The following NBPF8 variants were observed in gnomAD, a reference collection of about 807,000 sequenced individuals.
NBPF8 encodes NBPF family member NBPF8.
chr1:120,424,644 C>A (rs1336787113), intron 1 of NBPF8, among the ~76,000 whole-genome samples: 1 of 150,874 alleles, frequency 6.6e-6, no homozygotes, highest in African/African-American at 2.4e-5. Flanking sequence ...GACAGGGTTT[C>A]TTCATGTTGG....
chr1:120,428,073 A>C (rs1199256061), intron 3 of NBPF8, among the ~76,000 whole-genome samples: 6 of 152,194 alleles, frequency 3.9e-5, no homozygotes, highest in Non-Finnish European at 8.8e-5. Context: ...TTTTTAATGC[A>C]TCTTAAGGTT....
At chr1:120,467,473 G>T (rs1414812687) in exon 25 of NBPF8, 2 of 46,142 alleles carry the variant, frequency 4.3e-5, no homozygotes, top group African/African-American at 1.5e-4. Context: ...TTATAATGAA[G>T]TACTTGGGAA....
intron 1 of NBPF8, among the ~76,000 whole-genome samples, chr1:120,425,293 G>A (rs138380344): frequency 0.025 from 3,732 of 152,016 alleles, 35 homozygotes; most frequent in African/African-American, 0.036. Flanking sequence ...TGTAAAGCCC[G>A]ATTGTATATT....
chr1:120,452,250 A>G, exon 13 of NBPF8: 1 of 1,286,244 alleles, frequency 7.8e-7, no homozygotes, highest in Non-Finnish European at 1.1e-6. Context: ...TGAGCCGGAC[A>G]AGTCCCAGGG....
chr1:120,419,046 G>C (rs1390860799), upstream of NBPF8, among the ~76,000 whole-genome samples: 1 of 151,426 alleles, frequency 6.6e-6, no homozygotes, highest in African/African-American at 2.4e-5. Context: ...ACTTGACCTT[G>C]CCTGGCATGA....
intron 15 of NBPF8, among the ~76,000 whole-genome samples, chr1:120,454,620 T>C (rs1165806137): frequency 6.0e-5 from 9 of 150,676 alleles, no homozygotes; most frequent in Admixed American, 6.0e-4. Context: ...TTTGCTGATA[T>C]ATTTCCATAA....
exon 25 of NBPF8, chr1:120,466,216 C>A: frequency 6.2e-7 from 1 of 1,608,502 alleles, no homozygotes; most frequent in East Asian, 2.2e-5. Context: ...CATATTCCCA[C>A]AATAAGCAGC....
upstream of NBPF8, among the ~76,000 whole-genome samples, chr1:120,434,405 T>C (rs1661012063): frequency 6.8e-6 from 1 of 146,534 alleles, no homozygotes; most frequent in Admixed American, 6.9e-5. Flanking sequence ...TATATACACG[T>C]GTATATATAT....
At position 120,436,417 on chromosome 1, in the gene NBPF8, T is replaced by A. The variant is rs1661079455; in HGVS notation, n.65T>A. The A allele has an allele frequency of 6.7e-5, 81 of 1,214,012 alleles. 1 individual carries two copies. In the South Asian group the frequency reaches 9.9e-4, roughly 15 times the overall value. The allele number at this position is 1,214,012 out of a possible 1,614,324, so 75.2% of individuals were successfully genotyped here. A position where few individuals can be genotyped will look rare whatever the true frequency, so the allele number is the denominator to read the frequency against. ...TAAGAATTTCAGTTACTGACATCCC[T>A]CAGTCCTGATTAAACCTATTTGATT... is the stretch of plus-strand genomic sequence containing the variant. On this transcript the variant is annotated non_coding_transcript_exon_variant, in exon 1 of 25. Transcript: ENST00000583271.
chr1:120,433,094 C>T (rs1553247248), upstream of NBPF8: 9 of 152,174 alleles, frequency 5.9e-5, no homozygotes, highest in African/African-American at 9.7e-5. Flanking sequence ...AAATATATAT[C>T]ATGTTCATTG....
chr1:120,463,060 A>T (rs1240377536), intron 21 of NBPF8, 94 bp downstream of exon 19: 2 of 640,636 alleles, frequency 3.1e-6, no homozygotes, highest in Non-Finnish European at 5.5e-6. Context: ...GACCCGAGAG[A>T]TGTCATTGCC....
chr1:120,431,366 AT>A (rs1660872233), upstream of NBPF8, among the ~76,000 whole-genome samples: 1 of 12,504 alleles, frequency 8.0e-5, no homozygotes, highest in Non-Finnish European at 1.7e-4. Flanking sequence ...GGGAATATAT[AT>A]ATATATATAT....
At chr1:120,431,311 C>A (rs1660867484) in intron 3 of NBPF8, among the ~76,000 whole-genome samples, 4 of 94,596 alleles carry the variant, frequency 4.2e-5, no homozygotes, top group South Asian at 3.0e-4. Flanking sequence ...ATTATCATCT[C>A]CAAATAGGGA....
intron 13 of NBPF8, among the ~76,000 whole-genome samples, chr1:120,452,872 G>T (rs1173175319): frequency 6.6e-6 from 1 of 152,128 alleles, no homozygotes; most frequent in Non-Finnish European, 1.5e-5. Flanking sequence ...GGCGTTTTGT[G>T]GTAGGAAGTG....
exon 25 of NBPF8, chr1:120,465,993 G>A (rs1661735781): frequency 1.1e-5 from 17 of 1,611,544 alleles, no homozygotes; most frequent in Admixed American, 1.7e-5. Flanking sequence ...ACAGCGTGCT[G>A]ATGGAAGTGG....
chr1:120,468,769 C>G (rs1462491724), downstream of NBPF8, among the ~76,000 whole-genome samples: 2 of 151,092 alleles, frequency 1.3e-5, no homozygotes, highest in Non-Finnish European at 2.9e-5. Flanking sequence ...CTATGTTTCT[C>G]CACACTCGCT....
chr1:120,422,758 A>G (rs1261307781), intron 1 of NBPF8, among the ~76,000 whole-genome samples: 10 of 121,666 alleles, frequency 8.2e-5, no homozygotes, highest in Non-Finnish European at 1.4e-4. Flanking sequence ...GATTTCCACT[A>G]GCTATGGAGA....
chr1:120,465,921 G>T (rs1661731986), intron 24 of NBPF8, 57 bp from the exon 23 acceptor site: 1 of 1,611,470 alleles, frequency 6.2e-7, no homozygotes, highest in Non-Finnish European at 8.5e-7. Flanking sequence ...AATCTAGTGG[G>T]GCTCTGTGGT....
chr1:120,452,226 C>T (rs1162467719), exon 13 of NBPF8: 35 of 1,275,146 alleles, frequency 2.7e-5, no homozygotes, highest in Non-Finnish European at 3.4e-5. Flanking sequence ...TCTCCAGGCC[C>T]TCCTCACTCC....
Sources: gnomAD v4.1 joint callset for allele counts (sites outside exome capture counted in the v4.1 genomes callset) on GRCh38, gnomAD v4.1.1 for gene constraint, MANE v1.5 for transcripts, NCBI Gene and HGNC (gene_info 2026-07-23, HGNC 2026-07-21) for gene names.